Variants in GAK observed in about 807,000 individuals in gnomAD.
GAK encodes the protein cyclin-G-associated kinase.
GAK carries 79 observed loss-of-function variants against 143.9 expected under a neutral mutation model. The ratio of observed to expected loss-of-function variants is 0.55; its 90% confidence interval spans 0.46 to 0.66. The LOEUF (loss-of-function observed/expected upper bound fraction) is 0.66. Ranked by LOEUF, GAK falls within the 30% of genes least tolerant of loss-of-function variation. The pLI is 0.00. For missense variants in GAK, 1,693 were observed against 1,779.7 expected (o/e 0.95, Z 0.88); for synonymous variants, 881 against 765.5 (o/e 1.15, Z -2.49).
At chr4:859,772 A>G in intron 23 of GAK, 50 bp from the exon 24 acceptor site, 1 of 1,354,332 alleles carries the variant, frequency 7.4e-7, no homozygotes, top group Admixed American at 2.1e-5. Flanking sequence ...GAAGCGAAAC[A>G]CATCCTCCTG....
chr4:856,183 CCTGCTCACCACAG>C (rs1397861218), intron 24 of GAK, among the ~76,000 whole-genome samples: 1 of 134,746 alleles, frequency 7.4e-6, no homozygotes, highest in Non-Finnish European at 1.6e-5. Flanking sequence ...GCTGCTCACA[CCTGCTCACCACAG>C]CTGCTCACAC....
At chr4:899,745 A>G (rs1303671043) in intron 5 of GAK, among the ~76,000 whole-genome samples, 3 of 152,238 alleles carry the variant, frequency 2.0e-5, no homozygotes, top group Admixed American at 6.5e-5. Context: ...CTCCAACCAC[A>G]GCGCCCTGCA....
chr4:867,827 GC>G (rs2152749282), intron 20 of GAK, among the ~76,000 whole-genome samples: 1 of 152,358 alleles, frequency 6.6e-6, no homozygotes, highest in South Asian at 2.1e-4. Flanking sequence ...AAGCTTCTGG[GC>G]GGGCGGTGGG....
chr4:901,232 T>C (rs1719806838), intron 5 of GAK, among the ~76,000 whole-genome samples: 1 of 152,186 alleles, frequency 6.6e-6, no homozygotes, highest in Non-Finnish European at 1.5e-5. Context: ...CAGCTCAGCA[T>C]GGGTGCCCAC....
At chr4:870,611 G>A in intron 19 of GAK, 100 bp downstream of exon 19, 4 of 1,263,902 alleles carry the variant, frequency 3.2e-6, no homozygotes, top group Non-Finnish European at 4.5e-6. Flanking sequence ...TGCAGCAGCA[G>A]GCGTGGGGCC....
chr4:900,063 G>A (rs1221590331), intron 5 of GAK, among the ~76,000 whole-genome samples: 2 of 152,264 alleles, frequency 1.3e-5, no homozygotes, highest in Admixed American at 6.5e-5. Context: ...CGGATGCAGA[G>A]CACACAGCGG....
In GAK at chr4:920,318, A is replaced by C. The variant is rs577605193; in HGVS notation, c.146-6650T>G. ...GCAAAAGTCCATCTCAAAAAAAAAA[A>C]AACAAAAAACCAACAACAAAAAAAC... On this transcript the variant is annotated intron_variant, in intron 1 of 27. Transcript: ENST00000314167. 1.4e-4 allele frequency among the ~76,000 whole-genome samples: 22 copies of C among 151,834 alleles called. No homozygotes were observed. The South Asian group carries it at 2.1e-3, about 14-fold the overall frequency.
Position 907,974 on chromosome 4 carries a change from G to A in GAK, c.383-3195C>T, listed in dbSNP as rs549550249. Among the ~76,000 whole-genome samples, 322 of 152,258 alleles carry A rather than the reference G, an allele frequency of 2.1e-3. 1 individual carries two copies. The highest frequency in any genetic ancestry group is 7.1e-3 in the African/African-American group (296 of 41,564). On this transcript the variant is annotated intron_variant, in intron 4 of 27. Transcript: ENST00000314167. The stretch of plus-strand genomic sequence containing the variant: ...CCCCATGCAGGGTCAGCGATGAGCC[G>A]CTGGCCCCGGCCCTGTCCCCGCCGC...
intron 18 of GAK, among the ~76,000 whole-genome samples, chr4:873,365 T>C (rs779750392): frequency 2.6e-5 from 4 of 152,218 alleles, no homozygotes; most frequent in Admixed American, 6.5e-5. Flanking sequence ...TAATCCACTG[T>C]TGAGATGCCT....
chr4:849,456 G>A lies in GAK; in HGVS notation c.*217C>T, dbSNP rs1439346834. ...ACAATTGCGGGAGGAGCATGAATCA[G>A]CTGTTCCTTCGGGAGGAGAAAAAGG... On this transcript the variant is annotated 3_prime_UTR_variant, in exon 28 of 28. Transcript: ENST00000314167. 7.0e-6 allele frequency: 4 copies of A among 572,170 alleles called. No individual in the cohort carries two copies. Among genetic ancestry groups the A allele is most frequent in the Non-Finnish European group, 1.3e-5 (4 of 318,046 alleles). The allele number at this position is 572,170 out of a possible 1,614,324, so 35.4% of individuals were successfully genotyped here. A position where few individuals can be genotyped will look rare whatever the true frequency, so the allele number is the denominator to read the frequency against.
chr4:877,751 G>T lies in GAK; in HGVS notation c.1720C>A (p.Pro574Thr). The T allele has an allele frequency of 6.2e-7, 1 of 1,613,074 alleles. No individual in the cohort carries two copies. The highest frequency in any genetic ancestry group is 8.5e-7 in the Non-Finnish European group (1 of 1,179,766). Reference sequence around the variant, plus strand: ...ATGACCACGGCCCTCACCAGGATGGGCTTGCTGTGGGGTGTGATGGGCTCC... The same window carrying T: ...ATGACCACGGCCCTCACCAGGATGGTCTTGCTGTGGGGTGTGATGGGCTCC... The part of the protein sequence containing the change: ...AEEPITPHSK[P>T]ILVRAVVMTP... Residue 574 changes from proline (P) to threonine (T), a missense_variant, in exon 16 of 28, where the codon CCC (proline) becomes ACC (threonine). Transcript: ENST00000314167.
At chr4:910,977 C>T (rs914789503) in intron 4 of GAK, among the ~76,000 whole-genome samples, 1 of 152,164 alleles carries the variant, frequency 6.6e-6, no homozygotes, top group African/African-American at 2.4e-5. Flanking sequence ...AGGTCTCCGG[C>T]CAGTCAGCGT....
Position 849,648 on chromosome 4 carries a change from G to T in GAK, c.*25C>A. 6.4e-7 allele frequency: 1 copy of T among 1,571,614 alleles called. No individual in the cohort carries two copies. The highest frequency in any genetic ancestry group is 8.7e-7 in the Non-Finnish European group (1 of 1,145,452). Reference sequence around the variant, plus strand: ...GACGGCTCCCAACCTGTGGAGCTGTGTGCGCAGCCACCACCACTGCGGCCT... The same window carrying T: ...GACGGCTCCCAACCTGTGGAGCTGTTTGCGCAGCCACCACCACTGCGGCCT... On this transcript the variant is annotated 3_prime_UTR_variant, in exon 28 of 28. Transcript: ENST00000314167.
chr4:912,475 G>T (rs1722218974), intron 3 of GAK: 1 of 439,376 alleles, frequency 2.3e-6, no homozygotes, highest in Non-Finnish European at 4.2e-6. Context: ...ACTGGGCAGG[G>T]AGACCTCTTG....
chr4:875,780 A>G (rs1713720535), intron 18 of GAK, among the ~76,000 whole-genome samples: 4 of 152,228 alleles, frequency 2.6e-5, no homozygotes. Context: ...CATCTCTACT[A>G]AAAATACAAA....
intron 4 of GAK, among the ~76,000 whole-genome samples, chr4:909,552 C>T (rs747167499): frequency 2.0e-5 from 3 of 151,780 alleles, no homozygotes; most frequent in East Asian, 3.9e-4. Context: ...GAGACAGGGA[C>T]GGGAAGGGCC....
chr4:859,333 T>C (rs1016327579), intron 24 of GAK: 5 of 1,393,322 alleles, frequency 3.6e-6, no homozygotes, highest in Non-Finnish European at 4.7e-6. Context: ...ATGGCCCCCA[T>C]GGCCCTGAGG....
intron 3 of GAK, 178 bp from the exon 4 acceptor site, chr4:911,965 A>G: frequency 1.9e-6 from 1 of 537,708 alleles, no homozygotes; most frequent in Non-Finnish European, 3.5e-6. Flanking sequence ...AGAGAAAGGC[A>G]GACAGAGGCA....
At chr4:889,662 C>T (rs1352001703) in intron 10 of GAK, among the ~76,000 whole-genome samples, 4 of 152,192 alleles carry the variant, frequency 2.6e-5, no homozygotes, top group East Asian at 3.9e-4. Flanking sequence ...CCCTGGGAAG[C>T]GGAGGTGAAG....
Sources: allele counts gnomAD v4.1 joint callset (sites outside exome capture counted in the v4.1 genomes callset), GRCh38; gene constraint gnomAD v4.1.1; transcripts MANE v1.5; gene names NCBI Gene and HGNC (gene_info 2026-07-23, HGNC 2026-07-21).